LRMDA: variants seen among roughly 807,000 people sequenced by gnomAD.
LRMDA encodes the protein leucine-rich melanocyte differentiation-associated protein.
A neutral mutation model predicts 29.8 loss-of-function variants in LRMDA; 18 were observed. The observed-to-expected ratio is 0.60, with a 90% confidence interval of 0.42 to 0.90. The LOEUF is 0.90. LRMDA is among the 40% of genes least tolerant of loss of function. The pLI is 0.00. For synonymous variants in LRMDA, 125 were observed against 109.4 expected (o/e 1.14, Z -0.89); for missense variants, 273 against 273.9 (o/e 1.00, Z 0.02).
intron 2 of LRMDA, among the ~76,000 whole-genome samples, chr10:75,896,216 A>G (rs1254241360): frequency 1.3e-5 from 2 of 152,152 alleles, no homozygotes; most frequent in African/African-American, 4.8e-5. Context: ...GGTGCAACAC[A>G]AACTCAAGAG....
chr10:75,638,020 G>A (rs1841408802), intron 2 of LRMDA, among the ~76,000 whole-genome samples: 1 of 152,204 alleles, frequency 6.6e-6, no homozygotes, highest in South Asian at 2.1e-4. Context: ...ACAGCATCAT[G>A]GGGTGGTCGT....
chr10:75,932,991 A>G (rs1846230598), intron 2 of LRMDA, among the ~76,000 whole-genome samples: 1 of 152,218 alleles, frequency 6.6e-6, no homozygotes, highest in Non-Finnish European at 1.5e-5. Flanking sequence ...TTAATTCTTC[A>G]GAATCATTCA....
At chr10:75,920,352 C>A (rs944598831) in intron 2 of LRMDA, among the ~76,000 whole-genome samples, 1 of 152,168 alleles carries the variant, frequency 6.6e-6, no homozygotes, top group Non-Finnish European at 1.5e-5. Flanking sequence ...ATGAGCACTT[C>A]ATAAGCATCC....
intron 2 of LRMDA, among the ~76,000 whole-genome samples, chr10:75,722,344 C>T (rs1398910090): frequency 6.6e-6 from 1 of 151,986 alleles, no homozygotes; most frequent in African/African-American, 2.4e-5. Flanking sequence ...CAGCTTTGTA[C>T]CTTGATTGTT....
intron 6 of LRMDA, among the ~76,000 whole-genome samples, chr10:76,485,250 C>T (rs1842770582): frequency 6.6e-6 from 1 of 151,784 alleles, no homozygotes; most frequent in Admixed American, 6.6e-5. Flanking sequence ...TTTGACTGAG[C>T]ATTTTATATG....
intron 2 of LRMDA, among the ~76,000 whole-genome samples, chr10:75,662,831 C>T (rs1028718667): frequency 6.6e-6 from 1 of 152,188 alleles, no homozygotes; most frequent in African/African-American, 2.4e-5. Context: ...GGAGAATATC[C>T]TGGCTGCAGT....
intron 6 of LRMDA, among the ~76,000 whole-genome samples, chr10:76,543,611 C>G (rs1843384709): frequency 6.6e-6 from 1 of 152,092 alleles, no homozygotes. Flanking sequence ...AACTGCCCAA[C>G]CCTGCACAGA....
At position 76,537,924 on chromosome 10, in the gene LRMDA, A is replaced by G. The variant is rs182931597; in HGVS notation, c.602-19285A>G. On this transcript the variant is annotated intron_variant, in intron 6 of 6. Coordinates refer to ENST00000611255, the MANE Select transcript of LRMDA (RefSeq NM_001305581.2). ...TTTCTCTGTTCTACAATATACACAA[A>G]ATAATTTGAGAAGGATAATAGCAAT... 1.8e-3 allele frequency among the ~76,000 whole-genome samples: 272 copies of G among 152,324 alleles called. 2 individuals carry two copies. Among genetic ancestry groups the G allele is most frequent in the Middle Eastern group, 0.01 (3 of 294 alleles).
chr10:75,494,366 T>G (rs1845021732), intron 2 of LRMDA, among the ~76,000 whole-genome samples: 1 of 152,164 alleles, frequency 6.6e-6, no homozygotes, highest in Admixed American at 6.5e-5. Flanking sequence ...GTGTGGTGGT[T>G]TCCACTAGCG....
chr10:76,410,956 C>A (rs1841954859), intron 6 of LRMDA, among the ~76,000 whole-genome samples: 3 of 152,048 alleles, frequency 2.0e-5, no homozygotes, highest in Admixed American at 1.3e-4. Flanking sequence ...CAAAACAAAA[C>A]AAAACACCAG....
chr10:75,665,942 A>T (rs114983106), intron 2 of LRMDA, among the ~76,000 whole-genome samples: 1 of 152,336 alleles, frequency 6.6e-6, no homozygotes, highest in African/African-American at 2.4e-5. Flanking sequence ...TCAGTATTCC[A>T]GATGGCCTGT....
At chr10:75,716,085 C>A (rs1842496418) in intron 2 of LRMDA, among the ~76,000 whole-genome samples, 1 of 152,208 alleles carries the variant, frequency 6.6e-6, no homozygotes, top group South Asian at 2.1e-4. Flanking sequence ...TGGGGCTAAG[C>A]ACCTGCTACA....
At chr10:75,780,937 G>T (rs979050102) in intron 2 of LRMDA, among the ~76,000 whole-genome samples, 5 of 152,214 alleles carry the variant, frequency 3.3e-5, no homozygotes, top group Non-Finnish European at 7.3e-5. Context: ...ATTACCTAAA[G>T]GAATAAGTCT....
chr10:76,095,179 G>T (rs940019775), intron 5 of LRMDA, among the ~76,000 whole-genome samples: 9 of 152,138 alleles, frequency 5.9e-5, no homozygotes, highest in African/African-American at 2.2e-4. Context: ...TGGCAATGCT[G>T]ATTCTATTTC....
intron 6 of LRMDA, among the ~76,000 whole-genome samples, chr10:76,391,281 AAG>A (rs1177964659): frequency 6.6e-6 from 1 of 152,128 alleles, no homozygotes; most frequent in Non-Finnish European, 1.5e-5. Flanking sequence ...GCTGCAGACA[AAG>A]AGAGTGGGAT....
chr10:76,326,914 C>G (rs1840840497), intron 6 of LRMDA, among the ~76,000 whole-genome samples: 1 of 152,076 alleles, frequency 6.6e-6, no homozygotes. Context: ...CTGCATGAAA[C>G]TTTTACTGAT....
At chr10:76,096,653 G>A (rs774061244) in intron 5 of LRMDA, among the ~76,000 whole-genome samples, 1 of 151,988 alleles carries the variant, frequency 6.6e-6, no homozygotes. Context: ...AAAAAATTTT[G>A]CTGGGACTTT....
intron 2 of LRMDA, among the ~76,000 whole-genome samples, chr10:75,546,859 A>G (rs1840087122): frequency 6.6e-6 from 1 of 152,212 alleles, no homozygotes; most frequent in South Asian, 2.1e-4. Flanking sequence ...ATGTAAATCT[A>G]TGTGATATAC....
intron 2 of LRMDA, among the ~76,000 whole-genome samples, chr10:75,646,557 G>C (rs1366630882): frequency 6.6e-6 from 1 of 152,198 alleles, no homozygotes; most frequent in African/African-American, 2.4e-5. Context: ...TAGTTATGCT[G>C]TCTTTTGCAA....
Sources: allele counts gnomAD v4.1 joint callset (sites outside exome capture counted in the v4.1 genomes callset), GRCh38; gene constraint gnomAD v4.1.1; transcripts MANE v1.5; gene names NCBI Gene and HGNC (gene_info 2026-07-23, HGNC 2026-07-21).